The following ENTREP2 variants were observed in gnomAD, a reference collection of about 807,000 sequenced individuals.
The protein encoded by ENTREP2 is protein ENTREP2.
chr15:29,475,146 G>C, the ENTREP2 span, among the ~76,000 whole-genome samples: 1 of 152,120 alleles, frequency 6.6e-6, no homozygotes, highest in Non-Finnish European at 1.5e-5. Context: ...GACAAGAATG[G>C]TCTGTGGGAC....
At chr15:29,569,207 T>C in the ENTREP2 span, among the ~76,000 whole-genome samples, 31 of 152,176 alleles carry the variant, frequency 2.0e-4, 1 homozygote, top group South Asian at 6.4e-3. Flanking sequence ...GACCACACAG[T>C]CTGTTGTTCC....
the ENTREP2 span, among the ~76,000 whole-genome samples, chr15:29,333,184 C>G: frequency 6.6e-6 from 1 of 152,108 alleles, no homozygotes; most frequent in Non-Finnish European, 1.5e-5. Context: ...GCTATGGACA[C>G]AGTCCTGGGA....
chr15:29,339,835 C>T, the ENTREP2 span, among the ~76,000 whole-genome samples: 3 of 152,322 alleles, frequency 2.0e-5, no homozygotes, highest in South Asian at 2.1e-4. Context: ...GAAGATGGGA[C>T]GTGGGTGAAG....
At chr15:29,474,372 C>T in the ENTREP2 span, among the ~76,000 whole-genome samples, 1 of 152,176 alleles carries the variant, frequency 6.6e-6, no homozygotes, top group African/African-American at 2.4e-5. Context: ...TGACAGTTCA[C>T]ACAGATCAGC....
At chr15:29,507,793 G>GA in the ENTREP2 span, among the ~76,000 whole-genome samples, 7 of 152,160 alleles carry the variant, frequency 4.6e-5, no homozygotes, top group African/African-American at 1.7e-4. Context: ...GCCCACAGGA[G>GA]AAAGTGGGAA....
the ENTREP2 span, among the ~76,000 whole-genome samples, chr15:29,475,378 C>T: frequency 6.6e-6 from 1 of 152,188 alleles, no homozygotes; most frequent in Non-Finnish European, 1.5e-5. Flanking sequence ...ACCACAGCCC[C>T]ATTAAAAAAT....
At chr15:29,345,329 C>G in the ENTREP2 span, among the ~76,000 whole-genome samples, 4 of 152,144 alleles carry the variant, frequency 2.6e-5, no homozygotes, top group African/African-American at 4.8e-5. Flanking sequence ...CAGGGTCCTT[C>G]CTGTGAGCAG....
At chr15:29,402,063 T>C in the ENTREP2 span, among the ~76,000 whole-genome samples, 1 of 152,084 alleles carries the variant, frequency 6.6e-6, no homozygotes, top group Admixed American at 6.5e-5. Context: ...TCCATGCATG[T>C]ATTATGTTAA....
the ENTREP2 span, among the ~76,000 whole-genome samples, chr15:29,356,296 ATTT>A: frequency 1.9e-3 from 66 of 34,334 alleles, no homozygotes; most frequent in Admixed American, 3.4e-3. Flanking sequence ...ATATATATAT[ATTT>A]TTTTTTTTTT....
chr15:29,456,306 T>A, the ENTREP2 span, among the ~76,000 whole-genome samples: 1 of 152,216 alleles, frequency 6.6e-6, no homozygotes, highest in Non-Finnish European at 1.5e-5. Context: ...TTCTTTCCAC[T>A]GAGGCATGGC....
At chr15:29,161,814 G>A in the ENTREP2 span, among the ~76,000 whole-genome samples, 12 of 152,240 alleles carry the variant, frequency 7.9e-5, no homozygotes, top group East Asian at 7.7e-4. Context: ...CATGGTGGAC[G>A]GGAGGCAGGA....
chr15:29,648,573 G>A, the ENTREP2 span, among the ~76,000 whole-genome samples: 2 of 152,198 alleles, frequency 1.3e-5, no homozygotes, highest in Non-Finnish European at 2.9e-5. Flanking sequence ...TGTTCTCCTA[G>A]AGAATCTGCA....
At chr15:29,247,219 G>A in the ENTREP2 span, among the ~76,000 whole-genome samples, 1 of 152,156 alleles carries the variant, frequency 6.6e-6, no homozygotes, top group South Asian at 2.1e-4. Flanking sequence ...AAAAGAATTT[G>A]GATAAATCAA....
the ENTREP2 span, among the ~76,000 whole-genome samples, chr15:29,583,728 A>G: frequency 4.7e-4 from 71 of 152,354 alleles, 1 homozygote; most frequent in African/African-American, 1.7e-3. Context: ...CTTGTTCCCC[A>G]TAATCCCTTT....
the ENTREP2 span, among the ~76,000 whole-genome samples, chr15:29,562,123 G>A: frequency 6.6e-6 from 1 of 152,210 alleles, no homozygotes; most frequent in African/African-American, 2.4e-5. Context: ...CAGAATGCAA[G>A]GCCTGTGCCC....
At chr15:29,183,645 A>G in the ENTREP2 span, among the ~76,000 whole-genome samples, 13 of 152,232 alleles carry the variant, frequency 8.5e-5, no homozygotes, top group Non-Finnish European at 1.9e-4. Context: ...GATCAGTATC[A>G]CAAACCTGAT....
chr15:29,143,410 C>A, the ENTREP2 span, among the ~76,000 whole-genome samples: 1 of 152,168 alleles, frequency 6.6e-6, no homozygotes. Flanking sequence ...GGCTGAGACC[C>A]GCACAGTGGA....
At chr15:29,191,885 C>A in the ENTREP2 span, among the ~76,000 whole-genome samples, 1 of 152,176 alleles carries the variant, frequency 6.6e-6, no homozygotes, top group Non-Finnish European at 1.5e-5. Context: ...CTGCACTCAA[C>A]CTGGGCAACA....
chr15:29,186,374 G>C, the ENTREP2 span, among the ~76,000 whole-genome samples: 1 of 152,214 alleles, frequency 6.6e-6, no homozygotes, highest in Non-Finnish European at 1.5e-5. Flanking sequence ...AGTCTCCCAA[G>C]AAGCTGCCCT....
Sources: gnomAD v4.1 joint callset for allele counts (sites outside exome capture counted in the v4.1 genomes callset) on GRCh38, gnomAD v4.1.1 for gene constraint, MANE v1.5 for transcripts, NCBI Gene and HGNC (gene_info 2026-07-23, HGNC 2026-07-21) for gene names.